IPCEF1: variants seen among roughly 807,000 people sequenced by gnomAD.
IPCEF1 encodes the protein interactor protein for cytohesin exchange factors 1.
Under a neutral mutation model 50.9 loss-of-function variants are expected in IPCEF1, and 31 were observed. That is an observed-to-expected ratio of 0.61 (90% confidence interval 0.46 to 0.82). The LOEUF is 0.82. IPCEF1 is among the 40% of genes least tolerant of loss of function. The pLI is 0.00. For synonymous variants in IPCEF1, 181 were observed against 192.0 expected (o/e 0.94, Z 0.47); for missense variants, 458 against 514.0 (o/e 0.89, Z 1.05).
At chr6:154,178,914 A>T (rs1009092426) in intron 10 of IPCEF1, among the ~76,000 whole-genome samples, 2 of 152,200 alleles carry the variant, frequency 1.3e-5, no homozygotes, top group African/African-American at 4.8e-5. Context: ...CAAGCATAAA[A>T]CAGTAAAATA....
chr6:154,248,771 T>A (rs943515003), intron 3 of IPCEF1, among the ~76,000 whole-genome samples: 1 of 152,176 alleles, frequency 6.6e-6, no homozygotes, highest in Non-Finnish European at 1.5e-5. Flanking sequence ...TGATAATAAT[T>A]CTAATCCTAT....
chr6:154,310,376 C>A (rs1190114952), intron 1 of IPCEF1, among the ~76,000 whole-genome samples: 2 of 152,024 alleles, frequency 1.3e-5, no homozygotes, highest in African/African-American at 4.8e-5. Context: ...TTTTTGAAAA[C>A]TAGAGGAAGG....
intron 10 of IPCEF1, among the ~76,000 whole-genome samples, chr6:154,181,448 C>T (rs931351727): frequency 2.0e-5 from 3 of 152,158 alleles, no homozygotes; most frequent in African/African-American, 7.2e-5. Flanking sequence ...GTTGTGACTC[C>T]AAAGCTCGTT....
chr6:154,202,944 G>C (rs1381427809), intron 9 of IPCEF1, among the ~76,000 whole-genome samples: 1 of 152,186 alleles, frequency 6.6e-6, no homozygotes, highest in Non-Finnish European at 1.5e-5. Flanking sequence ...AGGTCAGGGG[G>C]AGTTTTCATT....
chr6:154,347,824 G>A (rs1350213277), intron 1 of IPCEF1, among the ~76,000 whole-genome samples: 1 of 152,292 alleles, frequency 6.6e-6, no homozygotes, highest in East Asian at 1.9e-4. Context: ...GAGCTCGTGG[G>A]GAGTGGACAG....
intron 10 of IPCEF1, among the ~76,000 whole-genome samples, chr6:154,189,017 A>C (rs1801627839): frequency 6.6e-6 from 1 of 152,238 alleles, no homozygotes; most frequent in African/African-American, 2.4e-5. Flanking sequence ...AAAAGATACT[A>C]CTTTACAAGA....
intron 11 of IPCEF1, among the ~76,000 whole-genome samples, chr6:154,161,314 G>A (rs1040988044): frequency 2.0e-5 from 3 of 151,148 alleles, no homozygotes; most frequent in Middle Eastern, 3.4e-3. Flanking sequence ...AGGTTCAAGC[G>A]ATTCTCCTGC....
intron 5 of IPCEF1, among the ~76,000 whole-genome samples, chr6:154,223,733 G>A (rs1451402687): frequency 1.3e-5 from 2 of 152,168 alleles, no homozygotes; most frequent in Non-Finnish European, 2.9e-5. Context: ...TGGTTGTTGT[G>A]ACTTAAATGA....
intron 1 of IPCEF1, among the ~76,000 whole-genome samples, chr6:154,303,940 T>C (rs993546568): frequency 6.7e-6 from 1 of 149,320 alleles, no homozygotes; most frequent in Non-Finnish European, 1.5e-5. Flanking sequence ...TAAAATGCAC[T>C]CCTTAACCAG....
At chr6:154,355,999 G>A (rs962750572) in intron 1 of IPCEF1, among the ~76,000 whole-genome samples, 2 of 152,004 alleles carry the variant, frequency 1.3e-5, no homozygotes, top group African/African-American at 4.8e-5. Flanking sequence ...ATAGAAATTA[G>A]ACTTTATCAA....
intron 1 of IPCEF1, among the ~76,000 whole-genome samples, chr6:154,338,082 T>C (rs962479540): frequency 2.1e-4 from 32 of 152,190 alleles, no homozygotes; most frequent in Non-Finnish European, 7.4e-5. Context: ...ATTGCTTGAC[T>C]TTCATCAATA....
intron 2 of IPCEF1, among the ~76,000 whole-genome samples, chr6:154,280,751 A>G (rs1375254170): frequency 1.3e-5 from 2 of 152,228 alleles, no homozygotes; most frequent in African/African-American, 2.4e-5. Context: ...TGGAATGGGT[A>G]CAAGAGGGGA....
intron 1 of IPCEF1, among the ~76,000 whole-genome samples, chr6:154,333,554 A>G (rs1667653139): frequency 6.6e-6 from 1 of 150,924 alleles, no homozygotes; most frequent in Admixed American, 6.6e-5. Context: ...TCCCCTTTAT[A>G]TATACATATA....
intron 2 of IPCEF1, among the ~76,000 whole-genome samples, chr6:154,287,353 C>T (rs1782389879): frequency 6.6e-6 from 1 of 152,098 alleles, no homozygotes; most frequent in Non-Finnish European, 1.5e-5. Context: ...TTCTTTATAG[C>T]AGTGTGGGAA....
chr6:154,295,190 A>T (rs557428485), intron 1 of IPCEF1, among the ~76,000 whole-genome samples: 92 of 151,228 alleles, frequency 6.1e-4, no homozygotes, highest in African/African-American at 2.1e-3. Flanking sequence ...AGAGTGAGAC[A>T]CCATCTCAAA....
At chr6:154,236,094 A>G (rs1035355259) in intron 5 of IPCEF1, among the ~76,000 whole-genome samples, 4 of 152,150 alleles carry the variant, frequency 2.6e-5, no homozygotes, top group Admixed American at 1.3e-4. Context: ...TCTCATCTCT[A>G]TTGTGAATAT....
chr6:154,303,467 T>G (rs1159396118), intron 1 of IPCEF1, among the ~76,000 whole-genome samples: 1 of 152,188 alleles, frequency 6.6e-6, no homozygotes, highest in Non-Finnish European at 1.5e-5. Flanking sequence ...GAGGGTTGTT[T>G]TCTGCAAAAC....
chr6:154,215,439 A>G (rs1778316046), intron 7 of IPCEF1, among the ~76,000 whole-genome samples: 1 of 151,990 alleles, frequency 6.6e-6, no homozygotes, highest in Admixed American at 6.6e-5. Context: ...CCCCGTCACT[A>G]CTTAAAAAAA....
chr6:154,160,130 A>G (rs751167729), intron 11 of IPCEF1, 90 bp from the exon 12 acceptor site: 8 of 966,286 alleles, frequency 8.3e-6, no homozygotes, highest in Non-Finnish European at 1.1e-5. Context: ...ACAAGTACAC[A>G]TATACATAAA....
Sources: allele counts gnomAD v4.1 joint callset (sites outside exome capture counted in the v4.1 genomes callset), GRCh38; gene constraint gnomAD v4.1.1; transcripts MANE v1.5; gene names NCBI Gene and HGNC (gene_info 2026-07-23, HGNC 2026-07-21).